ROBO1: variants seen among roughly 807,000 people sequenced by gnomAD.
ROBO1 encodes the protein roundabout guidance receptor 1, also known as roundabout homolog 1.
A neutral mutation model predicts 195.9 loss-of-function variants in ROBO1; 149 were observed. The ratio of observed to expected loss-of-function variants is 0.76; its 90% confidence interval spans 0.67 to 0.87. ROBO1 has a LOEUF of 0.87. ROBO1 is among the 40% of genes least tolerant of loss of function. The pLI is 0.00. For missense variants in ROBO1, 1,933 were observed against 2,068.3 expected (o/e 0.93, Z 1.27); for synonymous variants, 816 against 733.2 (o/e 1.11, Z -1.82).
chr3:78,703,740 C>T (rs1200926425), intron 8 of ROBO1, among the ~76,000 whole-genome samples: 1 of 151,666 alleles, frequency 6.6e-6, no homozygotes, highest in East Asian at 1.9e-4. Flanking sequence ...ATATATATTA[C>T]ATTGAATATG....
At chr3:79,152,362 AAG>A (rs1328387292) in intron 2 of ROBO1, among the ~76,000 whole-genome samples, 1 of 151,856 alleles carries the variant, frequency 6.6e-6, no homozygotes. Flanking sequence ...AACAGAAAGA[AAG>A]AGAAAAAAGA....
At chr3:79,519,628 C>CAAAA (rs71631657) in intron 2 of ROBO1, among the ~76,000 whole-genome samples, 16,702 of 64,406 alleles carry the variant, frequency 0.26, 3,045 homozygotes, top group Non-Finnish European at 0.34. Context: ...GACTCCTGCT[C>CAAAA]AAAAAAAAAA....
chr3:79,500,681 C>G (rs1369376533), intron 2 of ROBO1, among the ~76,000 whole-genome samples: 1 of 152,134 alleles, frequency 6.6e-6, no homozygotes, highest in East Asian at 1.9e-4. Context: ...TTGAGGAGGA[C>G]AGAAAGGAAT....
chr3:79,083,140 G>A (rs903070504), intron 3 of ROBO1, among the ~76,000 whole-genome samples: 6 of 152,042 alleles, frequency 3.9e-5, no homozygotes, highest in African/African-American at 1.4e-4. Flanking sequence ...GAAGCTGCAG[G>A]AGCTGAGACC....
At chr3:79,728,117 T>C (rs1275245750) in intron 1 of ROBO1, among the ~76,000 whole-genome samples, 1 of 105,622 alleles carries the variant, frequency 9.5e-6, no homozygotes, top group East Asian at 2.6e-4. Context: ...TATGTATTTA[T>C]TTGTATATTT....
chr3:79,087,826 T>A (rs2079401237), intron 3 of ROBO1, among the ~76,000 whole-genome samples: 1 of 152,138 alleles, frequency 6.6e-6, no homozygotes, highest in Non-Finnish European at 1.5e-5. Context: ...CATGTTAATC[T>A]ACCCCAAACA....
chr3:79,148,560 G>A (rs12486635), intron 2 of ROBO1, among the ~76,000 whole-genome samples: 109,274 of 151,714 alleles, frequency 0.72, 39,423 homozygotes, highest in East Asian at 0.79. Flanking sequence ...GGCATGATAG[G>A]AGAAATAGAC....
chr3:79,097,937 T>A lies in ROBO1; in HGVS notation c.172+27519A>T, dbSNP rs559912963. 1.4e-4 allele frequency among the ~76,000 whole-genome samples: 21 copies of A among 151,878 alleles called. 1 individual carries two copies. Among genetic ancestry groups the A allele is most frequent in the Admixed American group, 1.3e-3 (19 of 15,190 alleles). Reference sequence around the variant, plus strand: ...TTATATAAAATAATTTTTCCTGATTTATATATGAATTCTAAATCAAGCATG... The same window carrying A: ...TTATATAAAATAATTTTTCCTGATTAATATATGAATTCTAAATCAAGCATG... On this transcript the variant is annotated intron_variant, in intron 3 of 30. Transcript: ENST00000464233.
intron 2 of ROBO1, among the ~76,000 whole-genome samples, chr3:79,373,683 G>A (rs2036282714): frequency 6.6e-6 from 1 of 152,164 alleles, no homozygotes; most frequent in South Asian, 2.1e-4. Flanking sequence ...ATTTGACAAA[G>A]ATCCTCTGAA....
At chr3:78,675,429 C>T (rs1206122904) in intron 10 of ROBO1, among the ~76,000 whole-genome samples, 1 of 152,140 alleles carries the variant, frequency 6.6e-6, no homozygotes, top group African/African-American at 2.4e-5. Flanking sequence ...AAAGGGGTGA[C>T]AGACGGCACC....
At chr3:78,737,570 G>C (rs1686738133) in intron 5 of ROBO1, among the ~76,000 whole-genome samples, 1 of 152,138 alleles carries the variant, frequency 6.6e-6, no homozygotes, top group African/African-American at 2.4e-5. Flanking sequence ...GAAATGTATA[G>C]AGATCAAATG....
chr3:79,516,950 G>A (rs1337998686), intron 2 of ROBO1, among the ~76,000 whole-genome samples: 1 of 152,112 alleles, frequency 6.6e-6, no homozygotes, highest in Non-Finnish European at 1.5e-5. Flanking sequence ...CATGAGAGTA[G>A]GTGTTCCCCA....
intron 2 of ROBO1, among the ~76,000 whole-genome samples, chr3:79,565,948 A>G (rs766854356): frequency 1.3e-5 from 2 of 152,126 alleles, no homozygotes; most frequent in Non-Finnish European, 2.9e-5. Context: ...TTAGTTAACA[A>G]TACGGTTCCC....
chr3:79,276,853 G>C (rs1200866427), intron 2 of ROBO1, among the ~76,000 whole-genome samples: 2 of 151,994 alleles, frequency 1.3e-5, no homozygotes, highest in Non-Finnish European at 2.9e-5. Context: ...AATGGCAACA[G>C]GTTTATGAAA....
intron 3 of ROBO1, among the ~76,000 whole-genome samples, chr3:78,961,239 T>G (rs537689951): frequency 1.1e-3 from 174 of 152,082 alleles, no homozygotes; most frequent in Non-Finnish European, 2.0e-3. Context: ...AATTGTAAAT[T>G]TTTCATACAA....
At chr3:79,443,344 A>T (rs2039123660) in intron 2 of ROBO1, among the ~76,000 whole-genome samples, 1 of 152,136 alleles carries the variant, frequency 6.6e-6, no homozygotes, top group African/African-American at 2.4e-5. Context: ...ACCCCAATTA[A>T]CAGGCATTGT....
intron 3 of ROBO1, among the ~76,000 whole-genome samples, chr3:79,002,095 T>C (rs6774082): frequency 0.99 from 150,758 of 152,242 alleles, 74,655 homozygotes; most frequent in East Asian, 1. Flanking sequence ...CTATAGATAT[T>C]TACAGGAGAA....
chr3:79,577,677 A>T (rs1943531111), intron 2 of ROBO1, among the ~76,000 whole-genome samples: 2 of 151,660 alleles, frequency 1.3e-5, no homozygotes, highest in Admixed American at 1.3e-4. Context: ...AGAATTTGAG[A>T]CCAGTCTGAC....
In ROBO1 at chr3:79,169,718, A is replaced by G. The variant is rs376414420; in HGVS notation, c.89-44179T>C. On this transcript the variant is annotated intron_variant, in intron 2 of 30. Transcript: ENST00000464233. ...AAAATGGTTCAGCTTTGGTGTTACC[A>G]TTTTAGGATCACAGCTGTTATAAGT... Among the ~76,000 whole-genome samples the G allele has an allele frequency of 1.2e-4, 19 of 152,268 alleles. 1 individual carries two copies. The highest frequency in any genetic ancestry group is 4.3e-4 in the African/African-American group (18 of 41,576).
Sources: gnomAD v4.1 joint callset for allele counts (sites outside exome capture counted in the v4.1 genomes callset) on GRCh38, gnomAD v4.1.1 for gene constraint, MANE v1.5 for transcripts, NCBI Gene and HGNC (gene_info 2026-07-23, HGNC 2026-07-21) for gene names.